The following TTC7A variants were observed in gnomAD, a reference collection of about 807,000 sequenced individuals.
TTC7A encodes tetratricopeptide repeat domain 7A.
In TTC7A, 110 loss-of-function variants were observed where a neutral mutation model predicts 103.7. The ratio of observed to expected loss-of-function variants is 1.06; its 90% CI spans 0.91 to 1.24. TTC7A has a LOEUF of 1.24. TTC7A is among the 50% of genes most tolerant of loss of function. TTC7A has a pLI of 0.00. For missense variants in TTC7A, 1,340 were observed against 1,116.3 expected (o/e 1.20, Z -2.86); for synonymous variants, 521 against 467.9 (o/e 1.11, Z -1.47).
At chr2:47,065,515 C>A (rs757488672) in intron 19 of TTC7A, among the ~76,000 whole-genome samples, 8 of 152,204 alleles carry the variant, frequency 5.3e-5, no homozygotes, top group African/African-American at 9.7e-5. Flanking sequence ...AAGGTTCTAA[C>A]GTTGTCTTCT....
intron 2 of TTC7A, among the ~76,000 whole-genome samples, chr2:46,923,982 C>T (rs1459504798): frequency 2.6e-5 from 4 of 151,988 alleles, no homozygotes; most frequent in Non-Finnish European, 5.9e-5. Context: ...GTGATCCACC[C>T]GCCTCGGCCT....
At chr2:47,047,652 C>T (rs1216676021) in intron 16 of TTC7A, among the ~76,000 whole-genome samples, 1 of 152,238 alleles carries the variant, frequency 6.6e-6, no homozygotes, top group East Asian at 1.9e-4. Context: ...GTTCCTGCAT[C>T]CTTATCTGGA....
chr2:46,950,369 T>A lies in TTC7A; in HGVS notation c.191T>A (p.Phe64Tyr). ...CCCCTACTTTGCTTTTCAGATGACT[T>A]TGGGAAATTGCTGCTGGCTGAGGCC... ...AAFTFPDTDDFGKLLLAEALL... is the reference protein window; with the variant it reads ...AAFTFPDTDDYGKLLLAEALL... The change falls in exon 2 of 20, where the codon TTT (phenylalanine) becomes TAT (tyrosine). Residue 64 changes from phenylalanine (F) to tyrosine (Y), a missense_variant. Coordinates refer to ENST00000319190, the MANE Select transcript of TTC7A (RefSeq NM_020458.4). The A allele has an allele frequency of 6.2e-7, 1 of 1,613,962 alleles. No homozygotes were observed. Among genetic ancestry groups the A allele is most frequent in the African/African-American group, 1.3e-5 (1 of 75,000 alleles).
At chr2:47,000,803 T>A (rs895892580) in intron 8 of TTC7A, among the ~76,000 whole-genome samples, 1 of 152,180 alleles carries the variant, frequency 6.6e-6, no homozygotes, top group Non-Finnish European at 1.5e-5. Context: ...AGAATGCGGT[T>A]GATCAGGGCC....
Position 46,956,528 on chromosome 2 carries a change from G to A in TTC7A, c.349-311G>A, listed in dbSNP as rs76918023. ...GTGCCCCCTGGGGCTGCAGTCTTTG[G>A]GGGGATTCAGGAGAGGGAAGACAGG... On this transcript the variant is annotated intron_variant, in intron 2 of 19. Coordinates refer to ENST00000319190, the MANE Select transcript of TTC7A (RefSeq NM_020458.4). The A allele has an allele frequency of 2.4e-4, 80 of 333,556 alleles. No individual in the cohort carries two copies. In the East Asian group the frequency reaches 4.3e-3, roughly 18 times the overall value. The allele number at this position is 333,556 out of a possible 1,614,324, so 20.7% of individuals were successfully genotyped here. A position where few individuals can be genotyped will look rare whatever the true frequency, so the allele number is the denominator to read the frequency against.
chr2:47,072,202 C>T (rs564183787), intron 19 of TTC7A, among the ~76,000 whole-genome samples: 1 of 152,196 alleles, frequency 6.6e-6, no homozygotes, highest in Non-Finnish European at 1.5e-5. Flanking sequence ...TCCCATCTGG[C>T]GAGAGCGTAA....
chr2:46,934,185 C>T (rs988571818), intron 2 of TTC7A, among the ~76,000 whole-genome samples: 4 of 152,200 alleles, frequency 2.6e-5, no homozygotes, highest in African/African-American at 9.7e-5. Flanking sequence ...GAAACTCTTA[C>T]CCAGGATGAT....
intron 2 of TTC7A, among the ~76,000 whole-genome samples, chr2:46,931,110 C>T (rs1319411102): frequency 6.6e-6 from 1 of 152,094 alleles, no homozygotes; most frequent in Non-Finnish European, 1.5e-5. Flanking sequence ...AGAATAATGG[C>T]CCCCAAAGAT....
Position 46,962,150 on chromosome 2 carries a change from C to T in TTC7A, c.517+5143C>T, listed in dbSNP as rs145882356. 4.5e-3 allele frequency among the ~76,000 whole-genome samples: 685 copies of T among 152,314 alleles called. 8 individuals are homozygous for T. Among genetic ancestry groups the T allele is most frequent in the African/African-American group, 0.015 (641 of 41,556 alleles). On this transcript the variant is annotated intron_variant, in intron 3 of 19. Transcript: ENST00000319190. ...CCACCTGTCTGCCTAATGAGGTCTGCTCCTGGTGTCCAACATAATCTGTGA... is the reference window on the plus strand; with the variant it reads ...CCACCTGTCTGCCTAATGAGGTCTGTTCCTGGTGTCCAACATAATCTGTGA...
chr2:47,047,501 A>G (rs1422678418), intron 16 of TTC7A, among the ~76,000 whole-genome samples: 2 of 152,248 alleles, frequency 1.3e-5, no homozygotes, highest in African/African-American at 4.8e-5. Context: ...AGCTGGATGC[A>G]TGAAGCCAAG....
intron 3 of TTC7A, among the ~76,000 whole-genome samples, chr2:46,962,752 C>T (rs777492131): frequency 4.6e-5 from 7 of 152,222 alleles, no homozygotes; most frequent in African/African-American, 7.2e-5. Flanking sequence ...GCCTTTTGGC[C>T]ACCAGAAAAG....
intron 3 of TTC7A, among the ~76,000 whole-genome samples, chr2:46,970,659 C>G (rs1183684455): frequency 6.6e-6 from 1 of 152,224 alleles, no homozygotes; most frequent in Non-Finnish European, 1.5e-5. Flanking sequence ...CTGAACAGTT[C>G]GTAGGTTCGC....
chr2:46,933,667 G>A (rs540621627), intron 2 of TTC7A, among the ~76,000 whole-genome samples: 2 of 152,328 alleles, frequency 1.3e-5, no homozygotes, highest in South Asian at 2.1e-4. Flanking sequence ...CGAATGTAGC[G>A]ATCCTGAGCC....
At chr2:47,006,496 G>A (rs527865920) in intron 9 of TTC7A, 145 bp from the exon 10 acceptor site, 43 of 712,180 alleles carry the variant, frequency 6.0e-5, no homozygotes, top group East Asian at 3.2e-4. Flanking sequence ...ACTGGGTTTC[G>A]GCAGGGTGTC....
chr2:47,070,342 G>A (rs565942285), intron 19 of TTC7A, among the ~76,000 whole-genome samples: 15 of 152,378 alleles, frequency 9.8e-5, no homozygotes, highest in East Asian at 3.9e-4. Flanking sequence ...CTGCGTGGCC[G>A]TAAGAGGCAG....
upstream of TTC7A, among the ~76,000 whole-genome samples, chr2:46,937,780 G>T (rs1031369417): frequency 6.6e-6 from 1 of 152,202 alleles, no homozygotes; most frequent in Admixed American, 6.5e-5. This position sits in a 1 kb window ranked among gnomAD's most constrained non-coding sequence, Gnocchi z 4.0. Context: ...GGAAGCTGAA[G>T]GGGTTTGGGG....
intron 2 of TTC7A, among the ~76,000 whole-genome samples, chr2:46,932,016 C>T (rs1328496982): frequency 6.6e-6 from 1 of 152,136 alleles, no homozygotes; most frequent in African/African-American, 2.4e-5. Context: ...ATGACAATCT[C>T]AGTAAGTGCA....
chr2:46,924,490 T>C (rs1669282508), intron 2 of TTC7A, among the ~76,000 whole-genome samples: 2 of 152,122 alleles, frequency 1.3e-5, no homozygotes, highest in South Asian at 4.1e-4. Context: ...TATAATAATA[T>C]TCTAAAGAAA....
At chr2:46,954,547 T>C (rs1671679574) in intron 2 of TTC7A, among the ~76,000 whole-genome samples, 1 of 150,574 alleles carries the variant, frequency 6.6e-6, no homozygotes, top group Admixed American at 6.6e-5. Flanking sequence ...AAGGTAGATA[T>C]CCTTTCAGAA....
Sources: gnomAD v4.1 joint callset for allele counts (sites outside exome capture counted in the v4.1 genomes callset) on GRCh38, gnomAD v4.1.1 for gene constraint, Gnocchi (gnomAD v3.1) non-coding constraint, MANE v1.5 for transcripts, NCBI Gene and HGNC (gene_info 2026-07-23, HGNC 2026-07-21) for gene names.